The following SCARA3 variants were observed in gnomAD, a reference collection of about 807,000 sequenced individuals.
SCARA3 encodes scavenger receptor class A member 3.
Under a neutral mutation model 47.0 loss-of-function variants are expected in SCARA3, and 39 were observed. The ratio of observed to expected loss-of-function variants is 0.83; its 90% CI spans 0.64 to 1.08. The LOEUF (loss-of-function observed/expected upper bound fraction) is 1.08. Ranked by LOEUF, SCARA3 falls within the 50% of genes least tolerant of loss-of-function variation. The pLI is 0.00. For missense variants in SCARA3, 724 were observed against 792.3 expected, an observed-to-expected ratio of 0.91 and a Z score of 1.04; for synonymous variants, 356 against 334.1, an observed-to-expected ratio of 1.07 and a Z score of -0.71.
intron 5 of SCARA3, among the ~76,000 whole-genome samples, chr8:27,664,555 A>G (rs2128922366): frequency 6.6e-6 from 1 of 152,304 alleles, no homozygotes; most frequent in East Asian, 1.9e-4. Context: ...ATGAGTTTGT[A>G]GATGCCAACA....
At chr8:27,658,334 G>T (rs1489747438) in intron 4 of SCARA3, among the ~76,000 whole-genome samples, 162 bp from the exon 5 acceptor site, 1 of 152,148 alleles carries the variant, frequency 6.6e-6, no homozygotes, top group Non-Finnish European at 1.5e-5. Context: ...CCATAGAGGT[G>T]GCAAGGCTTT....
intron 2 of SCARA3, 144 bp downstream of exon 2, chr8:27,649,944 G>A: frequency 1.5e-6 from 1 of 682,654 alleles, no homozygotes; most frequent in Non-Finnish European, 2.5e-6. Flanking sequence ...ATGGTGAAAG[G>A]GCAGAGTTCA....
At chr8:27,665,986 C>A (rs781327190) in intron 5 of SCARA3, among the ~76,000 whole-genome samples, 1 of 152,216 alleles carries the variant, frequency 6.6e-6, no homozygotes, top group Non-Finnish European at 1.5e-5. Flanking sequence ...CAAAGGGATT[C>A]AATCTGCAAA....
At chr8:27,714,193 C>CTTTTTTTTTTTT in the SCARA3 span, among the ~76,000 whole-genome samples, 81 of 114,116 alleles carry the variant, frequency 7.1e-4, no homozygotes, top group East Asian at 9.6e-4. Flanking sequence ...TCAGGTATTC[C>CTTTTTTTTTTTT]TTTTTTTTTT....
rs774672864 is a variant in SCARA3, at chr8:27,658,488, C to G, written c.326-8C>G. Reference sequence around the variant, plus strand: ...AGCAACTCAAACTGTTATCCCTTTCCCCTAAAGATCCGAAAGCCCTGAACA... The same window carrying G: ...AGCAACTCAAACTGTTATCCCTTTCGCCTAAAGATCCGAAAGCCCTGAACA... On this transcript the variant is annotated splice_region_variant and splice_polypyrimidine_tract_variant and intron_variant, in intron 4 of 5. Transcript: ENST00000301904. 6.3e-7 allele frequency: 1 copy of G among 1,589,162 alleles called. No individual in the cohort carries two copies.
rs1053408913 is a variant in SCARA3, at chr8:27,655,040, T to C, written c.227-1742T>C. Among the ~76,000 whole-genome samples, 3 of 152,216 alleles carry C rather than the reference T, an allele frequency of 2.0e-5. No homozygotes were observed. In the East Asian group the frequency reaches 5.8e-4, roughly 29 times the overall value. On this transcript the variant is annotated intron_variant, in intron 3 of 5. Transcript: ENST00000301904. The stretch of plus-strand genomic sequence containing the variant: ...TGTCTCATGTAACAGCATGTGCTTA[T>C]TCCCAAACTCTCTCAACATGTTGCT...
the SCARA3 span, among the ~76,000 whole-genome samples, chr8:27,708,751 T>G: frequency 6.6e-6 from 1 of 152,174 alleles, no homozygotes; most frequent in Non-Finnish European, 1.5e-5. Flanking sequence ...ATGGGTATAT[T>G]GTGTGATGCT....
chr8:27,725,418 G>A, the SCARA3 span, among the ~76,000 whole-genome samples: 1 of 149,124 alleles, frequency 6.7e-6, no homozygotes, highest in South Asian at 2.1e-4. Flanking sequence ...CCTTGAAAAT[G>A]AACATATCTT....
chr8:27,639,155 G>A (rs1801326893), intron 1 of SCARA3, among the ~76,000 whole-genome samples: 1 of 152,144 alleles, frequency 6.6e-6, no homozygotes, highest in African/African-American at 2.4e-5. Flanking sequence ...GGGTTATTCT[G>A]AGTTGTTGCC....
intron 1 of SCARA3, among the ~76,000 whole-genome samples, chr8:27,648,108 C>T (rs1379663191): frequency 6.6e-6 from 1 of 152,214 alleles, no homozygotes; most frequent in Admixed American, 6.5e-5. Flanking sequence ...TGCTCATTAC[C>T]TCAAGGTGGT....
the SCARA3 span, among the ~76,000 whole-genome samples, chr8:27,706,505 A>G: frequency 2.0e-5 from 3 of 152,122 alleles, no homozygotes; most frequent in Non-Finnish European, 4.4e-5. Flanking sequence ...GAAGGTTTCC[A>G]GTAGGGGAAT....
At chr8:27,660,989 C>A (rs954967783) in intron 5 of SCARA3, among the ~76,000 whole-genome samples, 3 of 152,156 alleles carry the variant, frequency 2.0e-5, no homozygotes, top group African/African-American at 7.2e-5. Flanking sequence ...AGTTTGAAGA[C>A]CATCAGGCAG....
chr8:27,690,384 C>T, the SCARA3 span, among the ~76,000 whole-genome samples: 1 of 152,230 alleles, frequency 6.6e-6, no homozygotes, highest in South Asian at 2.1e-4. Context: ...TTCTCTCCTT[C>T]TGTATCTCTC....
intron 5 of SCARA3, 59 bp downstream of exon 5, chr8:27,659,598 G>A: frequency 6.9e-7 from 1 of 1,446,120 alleles, no homozygotes; most frequent in South Asian, 1.4e-5. Context: ...TGGTGATCTT[G>A]CTGGACACAG....
At chr8:27,711,236 CATG>C in the SCARA3 span, among the ~76,000 whole-genome samples, 2 of 152,112 alleles carry the variant, frequency 1.3e-5, no homozygotes, top group African/African-American at 4.8e-5. Context: ...GCTCTCTTTT[CATG>C]ATGTTAGTAG....
chr8:27,658,983 G>C lies in SCARA3; in HGVS notation c.813G>C (p.Lys271Asn). The C allele has an allele frequency of 1.2e-6, 2 of 1,614,112 alleles. No individual in the cohort carries two copies. Among genetic ancestry groups the C allele is most frequent in the Non-Finnish European group, 1.7e-6 (2 of 1,180,014 alleles). The stretch of plus-strand genomic sequence containing the variant: ...GCGGCCTGCGCACCACCTCCACCAA[G>C]ACTGGAGAGGCGGTCAAGAACATCC... ...LFSGLRTTST[K>N]TGEAVKNIQA... is the part of the protein sequence containing the mutation. The change falls in exon 5 of 6, where the codon AAG becomes AAC. Residue 271 changes from lysine to asparagine, a missense_variant. By Grantham distance (94) the Lys-to-Asn change is moderately conservative (BLOSUM62 0). Transcript: ENST00000301904.
At chr8:27,647,449 C>T (rs1801529735) in intron 1 of SCARA3, among the ~76,000 whole-genome samples, 1 of 152,216 alleles carries the variant, frequency 6.6e-6, no homozygotes, top group East Asian at 1.9e-4. Flanking sequence ...GAGAGCTCCA[C>T]AGGCAGGCAT....
chr8:27,663,735 C>G (rs1490527057), intron 5 of SCARA3, among the ~76,000 whole-genome samples: 1 of 152,124 alleles, frequency 6.6e-6, no homozygotes, highest in Non-Finnish European at 1.5e-5. Flanking sequence ...CCTACAGGGG[C>G]CTGCCAAGGG....
the SCARA3 span, among the ~76,000 whole-genome samples, chr8:27,731,345 C>T: frequency 6.6e-6 from 1 of 151,772 alleles, no homozygotes; most frequent in African/African-American, 2.4e-5. Flanking sequence ...AGTAATCCTC[C>T]CGCCTCGGCC....
Sources: allele counts gnomAD v4.1 joint callset (sites outside exome capture counted in the v4.1 genomes callset), GRCh38; gene constraint gnomAD v4.1.1; transcripts MANE v1.5; gene names NCBI Gene and HGNC (gene_info 2026-07-23, HGNC 2026-07-21).